The following RBFOX1 variants were observed in gnomAD, a reference collection of about 807,000 sequenced individuals.
RBFOX1 encodes RNA binding fox-1 homolog 1.
In RBFOX1, 8 loss-of-function variants were observed where a neutral mutation model predicts 57.7. The observed-to-expected ratio is 0.14, with a 90% confidence interval of 0.08 to 0.25. The LOEUF is 0.25. Ranked by LOEUF, RBFOX1 falls within the 10% of genes least tolerant of loss-of-function variation. The pLI, the probability that RBFOX1 is intolerant of heterozygous loss-of-function variation, is 1.00. For missense variants in RBFOX1, 611 were observed against 548.5 expected (o/e 1.11, Z -1.14); for synonymous variants, 326 against 222.4 (o/e 1.47, Z -4.15).
intron 4 of RBFOX1, among the ~76,000 whole-genome samples, chr16:7,108,098 T>G (rs1315561534): frequency 6.6e-6 from 1 of 152,188 alleles, no homozygotes; most frequent in Non-Finnish European, 1.5e-5. Flanking sequence ...AGAAATTAGA[T>G]GTGTGGATGA....
chr16:6,194,336 T>C (rs1276145419), intron 1 of RBFOX1, among the ~76,000 whole-genome samples: 1 of 152,146 alleles, frequency 6.6e-6, no homozygotes, highest in Admixed American at 6.5e-5. Flanking sequence ...GCATTTCTTC[T>C]CTTTCCCCTT....
At chr16:7,700,373 C>A (rs923427143) in intron 14 of RBFOX1, among the ~76,000 whole-genome samples, 1 of 152,256 alleles carries the variant, frequency 6.6e-6, no homozygotes. Context: ...GTATAACCAA[C>A]TCAAAGAGAA....
chr16:6,369,359 T>C (rs936895414), intron 2 of RBFOX1, among the ~76,000 whole-genome samples: 3 of 152,196 alleles, frequency 2.0e-5, no homozygotes, highest in Non-Finnish European at 4.4e-5. Context: ...ATTGAAAGGA[T>C]TGATTTAAAA....
intron 2 of RBFOX1, among the ~76,000 whole-genome samples, chr16:6,441,988 T>C (rs2094393011): frequency 6.6e-6 from 1 of 152,212 alleles, no homozygotes; most frequent in African/African-American, 2.4e-5. Flanking sequence ...CACATGCCTG[T>C]GAGAGTCACT....
At chr16:6,106,479 A>AAAAG (rs2096380879) in intron 1 of RBFOX1, among the ~76,000 whole-genome samples, 1 of 151,396 alleles carries the variant, frequency 6.6e-6, no homozygotes, top group South Asian at 2.1e-4. Flanking sequence ...AAATAAAAAA[A>AAAAG]AAAAAAGGTA....
intron 4 of RBFOX1, among the ~76,000 whole-genome samples, chr16:7,462,463 C>T (rs997673667): frequency 3.9e-5 from 6 of 152,214 alleles, no homozygotes; most frequent in African/African-American, 7.2e-5. Context: ...TGCACGCCAG[C>T]CTGGGCAACA....
intron 4 of RBFOX1, among the ~76,000 whole-genome samples, chr16:7,352,089 C>T (rs925464561): frequency 1.3e-5 from 2 of 152,078 alleles, no homozygotes; most frequent in African/African-American, 4.8e-5. Flanking sequence ...CTTGCAATTG[C>T]GGGGTGTATC....
At chr16:7,288,126 C>A (rs2095686854) in intron 4 of RBFOX1, among the ~76,000 whole-genome samples, 1 of 152,130 alleles carries the variant, frequency 6.6e-6, no homozygotes, top group African/African-American at 2.4e-5. Context: ...TTCCATATAA[C>A]AGGGAAATCC....
Position 7,679,263 on chromosome 16 carries a change from C to G in RBFOX1, c.995+2425C>G, listed in dbSNP as rs1056251374. Among the ~76,000 whole-genome samples the G allele has an allele frequency of 3.3e-5, 5 of 152,250 alleles. No homozygotes were observed. In the East Asian group the frequency reaches 9.6e-4, roughly 29 times the overall value. On this transcript the variant is annotated intron_variant, in intron 14 of 15. Coordinates refer to ENST00000550418, the MANE Select transcript of RBFOX1 (RefSeq NM_018723.4). ...GGAAAATGTGAAATTATCAGAATAG[C>G]TTTTGAATCTAGATTAAAGATGCCA... is the stretch of plus-strand genomic sequence containing the variant.
rs368859052 is a variant in RBFOX1 at position 7,062,164 on chromosome 16, A to C, written c.27+10066A>C. Among the ~76,000 whole-genome samples the C allele has an allele frequency of 5.4e-4, 82 of 151,788 alleles. 1 individual carries two copies. Among genetic ancestry groups the C allele is most frequent in the African/African-American group, 2.0e-3 (81 of 41,374 alleles). The stretch of plus-strand genomic sequence containing the variant: ...AACCCCATCTCTACTAAAAACACAC[A>C]AAAAATTAGCTGGGCATGGTGGCGG... On this transcript the variant is annotated intron_variant, in intron 4 of 15. Transcript: ENST00000550418.
At chr16:6,540,445 C>G (rs2096798048) in intron 2 of RBFOX1, among the ~76,000 whole-genome samples, 2 of 151,770 alleles carry the variant, frequency 1.3e-5, no homozygotes, top group East Asian at 1.9e-4. Context: ...AACCCCATCT[C>G]TACTAAAAAT....
chr16:5,843,693 A>G (rs939995374), intron 3 of RBFOX1, among the ~76,000 whole-genome samples: 1 of 152,232 alleles, frequency 6.6e-6, no homozygotes, highest in Non-Finnish European at 1.5e-5. Flanking sequence ...CATGTTATAG[A>G]TGAAAAAACA....
At chr16:6,421,386 C>T (rs1245748282) in intron 2 of RBFOX1, among the ~76,000 whole-genome samples, 3 of 152,148 alleles carry the variant, frequency 2.0e-5, no homozygotes, top group Non-Finnish European at 4.4e-5. Flanking sequence ...AACGTAAAAA[C>T]GTTTGCACAT....
At chr16:6,342,106 G>C (rs2084659141) in intron 2 of RBFOX1, among the ~76,000 whole-genome samples, 1 of 152,176 alleles carries the variant, frequency 6.6e-6, no homozygotes, top group South Asian at 2.1e-4. Flanking sequence ...ATTCAAACAG[G>C]AATTGGCAAA....
intron 1 of RBFOX1, among the ~76,000 whole-genome samples, chr16:6,276,660 G>A (rs1373821828): frequency 6.8e-6 from 1 of 146,316 alleles, no homozygotes. Context: ...GTTTTTTAAT[G>A]TTGGATTCAT....
intron 4 of RBFOX1, among the ~76,000 whole-genome samples, chr16:5,941,770 C>T (rs544869353): frequency 1.2e-4 from 19 of 152,072 alleles, no homozygotes; most frequent in South Asian, 4.2e-4. Context: ...AACCTCTTCC[C>T]GTGAGCTCAT....
intron 4 of RBFOX1, among the ~76,000 whole-genome samples, chr16:7,341,598 A>C (rs1369571477): frequency 6.6e-6 from 1 of 152,174 alleles, no homozygotes; most frequent in East Asian, 1.9e-4. Flanking sequence ...CTGACACTCA[A>C]GACAGGTTTA....
Position 5,756,464 on chromosome 16 carries a change from A to G in RBFOX1, c.319-110839A>G, listed in dbSNP as rs573212319. 5.9e-5 allele frequency among the ~76,000 whole-genome samples: 9 copies of G among 152,198 alleles called. No homozygotes were observed. The East Asian group carries it at 1.7e-3, about 29-fold the overall frequency. On this transcript the variant is annotated intron_variant, in intron 3 of 19. Coordinates refer to the RBFOX1 transcript ENST00000641259. The stretch of plus-strand genomic sequence containing the variant: ...TCACCTTTGCGGTGGAGTTTGTCAC[A>G]TCTCCCAAATGCCCAGGCTGGTTTC...
intron 4 of RBFOX1, among the ~76,000 whole-genome samples, chr16:7,399,212 C>G (rs573570370): frequency 1.3e-5 from 2 of 152,318 alleles, no homozygotes; most frequent in South Asian, 2.1e-4. Context: ...TTTTGGGAGG[C>G]CGAAGCAGGT....
Sources: allele counts gnomAD v4.1 joint callset (sites outside exome capture counted in the v4.1 genomes callset), GRCh38; gene constraint gnomAD v4.1.1; transcripts MANE v1.5; gene names NCBI Gene and HGNC (gene_info 2026-07-23, HGNC 2026-07-21).